UTP20: variants seen among roughly 807,000 people sequenced by gnomAD.
UTP20 encodes small subunit processome component 20 homolog.
In UTP20, 164 loss-of-function variants were observed where a neutral mutation model predicts 329.5. That is an observed-to-expected ratio of 0.50 (90% CI 0.44 to 0.57). The LOEUF (loss-of-function observed/expected upper bound fraction) is 0.57, where lower values mean the gene tolerates loss of function less well. UTP20 is among the 20% of genes least tolerant of loss of function. UTP20 has a pLI of 0.00. For missense variants in UTP20, 3,055 were observed against 3,284.2 expected (o/e 0.93, Z 1.71); for synonymous variants, 1,151 against 1,159.3 (o/e 0.99, Z 0.14).
At chr12:101,309,618 G>A (rs1872726736) in intron 18 of UTP20, 145 bp from the exon 19 acceptor site, 2 of 623,970 alleles carry the variant, frequency 3.2e-6, no homozygotes, top group South Asian at 4.7e-5. Flanking sequence ...ATTGAATTTT[G>A]GATTGGTGCC....
Position 101,293,126 on chromosome 12 carries a change from C to T in UTP20, c.1174-42C>T, listed in dbSNP as rs748081776. On this transcript the variant is annotated intron_variant, in intron 10 of 61. Transcript: ENST00000261637. Reference sequence around the variant, plus strand: ...GCTTGCTGGGGGGATGGGGAAAATACTCTCTGTGTACTTACATTAATATTT... The same window carrying T: ...GCTTGCTGGGGGGATGGGGAAAATATTCTCTGTGTACTTACATTAATATTT... The T allele has an allele frequency of 4.4e-6, 7 of 1,582,994 alleles. No individual in the cohort carries two copies. The East Asian group carries it at 1.1e-4, about 25-fold the overall frequency.
intron 17 of UTP20, 65 bp downstream of exon 17, chr12:101,306,826 C>T: frequency 7.1e-7 from 1 of 1,410,628 alleles, no homozygotes; most frequent in Non-Finnish European, 9.6e-7. Flanking sequence ...TTGTGGTTTC[C>T]AAAATGATAC....
At chr12:101,335,758 G>A (rs1342954628) in intron 29 of UTP20, among the ~76,000 whole-genome samples, 2 of 151,990 alleles carry the variant, frequency 1.3e-5, no homozygotes, top group Non-Finnish European at 2.9e-5. Context: ...CATGTTACTA[G>A]TCTTCAGAAA....
chr12:101,298,532 T>A (rs1872429663), intron 12 of UTP20, among the ~76,000 whole-genome samples: 1 of 151,866 alleles, frequency 6.6e-6, no homozygotes, highest in Admixed American at 6.6e-5. Context: ...TGAGAGGAGA[T>A]GGAGGTGGGT....
chr12:101,312,360 G>C, intron 21 of UTP20, 84 bp downstream of exon 21: 1 of 1,525,662 alleles, frequency 6.6e-7, no homozygotes, highest in Non-Finnish European at 8.8e-7. Context: ...AAGTGGCTGA[G>C]TTCTTTGTTT....
intron 27 of UTP20, among the ~76,000 whole-genome samples, chr12:101,331,401 A>G (rs2137268764): frequency 6.6e-6 from 1 of 152,316 alleles, no homozygotes; most frequent in South Asian, 2.1e-4. Context: ...ACTAAACTTG[A>G]TGCAGCTGAT....
intron 12 of UTP20, 48 bp downstream of exon 12, chr12:101,295,706 T>C: frequency 6.6e-7 from 1 of 1,507,554 alleles, no homozygotes; most frequent in Non-Finnish European, 8.9e-7. Flanking sequence ...TTTACCCATT[T>C]AAATGTAATG....
At chr12:101,321,997 AT>A (rs926196121) in intron 25 of UTP20, among the ~76,000 whole-genome samples, 7 of 148,098 alleles carry the variant, frequency 4.7e-5, no homozygotes, top group African/African-American at 4.9e-5. Flanking sequence ...ATCTTTATTT[AT>A]TTTTTTTTTA....
chr12:101,295,674 T>A lies in UTP20; in HGVS notation c.1430+16T>A, dbSNP rs1449504541. The A allele has an allele frequency of 3.2e-6, 5 of 1,582,490 alleles. No homozygotes were observed. The African/African-American group carries it at 6.8e-5, about 21-fold the overall frequency. On this transcript the variant is annotated intron_variant, in intron 12 of 61. Coordinates refer to ENST00000261637, the MANE Select transcript of UTP20 (RefSeq NM_014503.3). ...AGATGGTGGGGTGAGTTCTAACTTT[T>A]TATTCCTGTAATGATGATAAGTTTA... is the stretch of plus-strand genomic sequence containing the variant.
rs372490114 is a variant in UTP20, at chr12:101,341,857, A to G, written c.4102-589A>G. Among the ~76,000 whole-genome samples, 39 of 152,328 alleles carry G rather than the reference A, an allele frequency of 2.6e-4. 1 individual carries two copies. In the East Asian group the frequency reaches 7.1e-3, roughly 28 times the overall value. Reference sequence around the variant, plus strand: ...GAGGTGGAGGTTGTGGTGAGCTGAGATCATGCCACTGCACTCCAGACTGGA... The same window carrying G: ...GAGGTGGAGGTTGTGGTGAGCTGAGGTCATGCCACTGCACTCCAGACTGGA... On this transcript the variant is annotated intron_variant, in intron 32 of 61. Transcript: ENST00000261637.
rs111233804 is a variant in UTP20, at chr12:101,369,597, T to C, written c.6385-124T>C. 3,710 of 584,088 alleles carry C rather than the reference T, an allele frequency of 6.4e-3. 107 individuals are homozygous for C. Among genetic ancestry groups the C allele is most frequent in the African/African-American group, 0.059 (3,226 of 54,832 alleles). The allele number at this position is 584,088 out of a possible 1,614,324, so 36.2% of individuals were successfully genotyped here. ...CATTTTGGGCACAGTTCTTCCAGAGTGGGCTGCGCTTAGCATCTTATTTAT... is the reference window on the plus strand; with the variant it reads ...CATTTTGGGCACAGTTCTTCCAGAGCGGGCTGCGCTTAGCATCTTATTTAT... On this transcript the variant is annotated intron_variant, in intron 48 of 61. Coordinates refer to ENST00000261637, the MANE Select transcript of UTP20 (RefSeq NM_014503.3).
intron 12 of UTP20, among the ~76,000 whole-genome samples, chr12:101,296,793 G>A (rs951655299): frequency 1.3e-5 from 2 of 151,884 alleles, no homozygotes; most frequent in Non-Finnish European, 2.9e-5. Flanking sequence ...ATATACCTTT[G>A]TATTGTTTCA....
intron 17 of UTP20, among the ~76,000 whole-genome samples, chr12:101,307,553 T>C (rs1171634270): frequency 6.6e-6 from 1 of 152,094 alleles, no homozygotes; most frequent in Admixed American, 6.5e-5. Context: ...ATTTTTGTAT[T>C]GTTAGTAAAG....
intron 36 of UTP20, 151 bp from the exon 37 acceptor site, chr12:101,345,403 C>G (rs1458959095): frequency 1.8e-6 from 1 of 565,918 alleles, no homozygotes; most frequent in Non-Finnish European, 3.0e-6. Flanking sequence ...TCCAGGCTGT[C>G]CTCAAACTCC....
At chr12:101,320,222 G>C (rs1873104883) in intron 23 of UTP20, among the ~76,000 whole-genome samples, 1 of 152,130 alleles carries the variant, frequency 6.6e-6, no homozygotes, top group South Asian at 2.1e-4. Flanking sequence ...CTTAGTACAT[G>C]ACCAGCCTAG....
intron 29 of UTP20, among the ~76,000 whole-genome samples, 165 bp downstream of exon 29, chr12:101,334,669 C>T (rs937096298): frequency 4.6e-5 from 7 of 152,166 alleles, no homozygotes; most frequent in Non-Finnish European, 7.3e-5. Flanking sequence ...GGAAAGATCT[C>T]AAAATACATA....
chr12:101,336,754 G>T (rs1210857329), intron 29 of UTP20, among the ~76,000 whole-genome samples: 1 of 152,164 alleles, frequency 6.6e-6, no homozygotes, highest in African/African-American at 2.4e-5. Context: ...TCCACAGAGG[G>T]TTACACATCT....
At chr12:101,345,725 C>A in intron 37 of UTP20, 31 bp downstream of exon 37, 5 of 1,584,442 alleles carry the variant, frequency 3.2e-6, no homozygotes, top group Non-Finnish European at 4.3e-6. Context: ...TTCCTACCTA[C>A]GACATAAGCA....
At chr12:101,334,314 T>C (rs1868864011) in intron 28 of UTP20, 111 bp from the exon 29 acceptor site, 2 of 838,074 alleles carry the variant, frequency 2.4e-6, no homozygotes, top group Admixed American at 5.1e-5. Flanking sequence ...TTCATCTCTG[T>C]CCCTTGTCTT....
Sources: allele counts gnomAD v4.1 joint callset (sites outside exome capture counted in the v4.1 genomes callset), GRCh38; gene constraint gnomAD v4.1.1; transcripts MANE v1.5; gene names NCBI Gene and HGNC (gene_info 2026-07-23, HGNC 2026-07-21).